The following ZNF385B variants were observed in gnomAD, a reference collection of about 807,000 sequenced individuals.
ZNF385B encodes the protein zinc finger protein 385B.
In ZNF385B, 23 loss-of-function variants were observed where a neutral mutation model predicts 39.2. The observed-to-expected ratio is 0.59, with a 90% confidence interval of 0.42 to 0.83. The LOEUF is 0.83. Among genes scored for constraint, ZNF385B ranks in the 40% least tolerant of loss-of-function variants. The pLI, the probability that ZNF385B is intolerant of heterozygous loss-of-function variation, is 0.00. For missense variants in ZNF385B, 552 were observed against 598.9 expected, an observed-to-expected ratio of 0.92 and a Z score of 0.82; for synonymous variants, 205 against 222.6, an observed-to-expected ratio of 0.92 and a Z score of 0.70.
At chr2:179,839,835 C>G (rs1216213851) in intron 1 of ZNF385B, among the ~76,000 whole-genome samples, 1 of 152,120 alleles carries the variant, frequency 6.6e-6, no homozygotes, top group African/African-American at 2.4e-5. Context: ...GGAGAGGCCA[C>G]CTTGAGAGAA....
chr2:179,799,876 T>C (rs1281552273), intron 1 of ZNF385B, among the ~76,000 whole-genome samples: 1 of 152,110 alleles, frequency 6.6e-6, no homozygotes, highest in Non-Finnish European at 1.5e-5. Context: ...AGCTTTGCAA[T>C]CATCCAAGCG....
At chr2:179,632,523 A>G (rs1691328257) in intron 3 of ZNF385B, among the ~76,000 whole-genome samples, 1 of 152,212 alleles carries the variant, frequency 6.6e-6, no homozygotes, top group Non-Finnish European at 1.5e-5. Context: ...GACACAACAT[A>G]CCAGAATCTC....
intron 4 of ZNF385B, among the ~76,000 whole-genome samples, chr2:179,527,247 A>C (rs1161850555): frequency 6.6e-6 from 1 of 152,232 alleles, no homozygotes; most frequent in Non-Finnish European, 1.5e-5. Context: ...GATAGAAAAC[A>C]CAAGGGAGTC....
At chr2:179,696,728 C>T (rs1698793063) in intron 3 of ZNF385B, among the ~76,000 whole-genome samples, 1 of 152,032 alleles carries the variant, frequency 6.6e-6, no homozygotes, top group Non-Finnish European at 1.5e-5. Context: ...TTTAAAAAAA[C>T]TATAGAAGGA....
At chr2:179,472,680 T>A (rs888254303) in intron 6 of ZNF385B, among the ~76,000 whole-genome samples, 21 of 152,224 alleles carry the variant, frequency 1.4e-4, no homozygotes, top group African/African-American at 4.6e-4. Flanking sequence ...ATATACGGGC[T>A]GACAAGTTTC....
chr2:179,792,370 C>CTTTTTTTTTTTTTTTTTTTTTT lies in ZNF385B; in HGVS notation c.-154-21699_-154-21698insAAAAAAAAAAAAAAAAAAAAAA, dbSNP rs1346808450. Reference sequence around the variant, plus strand: ...CTGAAGAAGTAGGCCATTTCATTTTCTTTTCTTTTTTTTTTTTTTTTGAGA... The same window carrying CTTTTTTTTTTTTTTTTTTTTTT: ...CTGAAGAAGTAGGCCATTTCATTTTCTTTTTTTTTTTTTTTTTTTTTTTTTTCTTTTTTTTTTTTTTTTGAGA... On this transcript the variant is annotated intron_variant, in intron 1 of 9. Coordinates refer to ENST00000410066, the MANE Select transcript of ZNF385B (RefSeq NM_152520.6). Among the ~76,000 whole-genome samples the CTTTTTTTTTTTTTTTTTTTTTT allele has an allele frequency of 2.5e-4, 18 of 70,722 alleles. 2 individuals carry two copies. Among genetic ancestry groups the CTTTTTTTTTTTTTTTTTTTTTT allele is most frequent in the Non-Finnish European group, 3.3e-4 (12 of 36,760 alleles). 46.4% of individuals were successfully genotyped at this position (70,722 alleles called of 152,430 possible).
chr2:179,805,365 G>A (rs1706286219), intron 1 of ZNF385B, among the ~76,000 whole-genome samples: 1 of 152,142 alleles, frequency 6.6e-6, no homozygotes, highest in African/African-American at 2.4e-5. Flanking sequence ...CCATAGATGT[G>A]TAAGGCATAA....
chr2:179,661,527 G>C (rs1694473175), intron 3 of ZNF385B, among the ~76,000 whole-genome samples: 1 of 151,958 alleles, frequency 6.6e-6, no homozygotes, highest in Non-Finnish European at 1.5e-5. Context: ...TATTGATTCT[G>C]TATCTCTGGA....
chr2:179,543,500 CAT>C (rs1553603842), intron 4 of ZNF385B, among the ~76,000 whole-genome samples: 1 of 152,136 alleles, frequency 6.6e-6, no homozygotes, highest in Non-Finnish European at 1.5e-5. Flanking sequence ...ATGTGTCACA[CAT>C]GTTTGAATAG....
chr2:179,574,874 T>C (rs1685634585), intron 3 of ZNF385B, among the ~76,000 whole-genome samples: 2 of 152,134 alleles, frequency 1.3e-5, no homozygotes, highest in South Asian at 4.1e-4. Context: ...TCCTTCCTTC[T>C]TGAACTTCTT....
chr2:179,685,583 T>C (rs1379769627), intron 3 of ZNF385B, among the ~76,000 whole-genome samples: 1 of 152,188 alleles, frequency 6.6e-6, no homozygotes, highest in Non-Finnish European at 1.5e-5. Flanking sequence ...GGACTATAGA[T>C]GGAGTATAGT....
At chr2:179,603,401 GGT>G (rs1275099198) in intron 3 of ZNF385B, among the ~76,000 whole-genome samples, 1 of 152,110 alleles carries the variant, frequency 6.6e-6, no homozygotes, top group Non-Finnish European at 1.5e-5. Flanking sequence ...AGTAGGGTCT[GGT>G]TCAGTATATA....
chr2:179,772,736 A>AT, intron 1 of ZNF385B, among the ~76,000 whole-genome samples: 1 of 152,280 alleles, frequency 6.6e-6, no homozygotes, highest in African/African-American at 2.4e-5. Flanking sequence ...TCTATTTTAA[A>AT]TTTTTTCATC....
chr2:179,466,644 G>T (rs577083198), intron 6 of ZNF385B, among the ~76,000 whole-genome samples: 1 of 152,078 alleles, frequency 6.6e-6, no homozygotes, highest in South Asian at 2.1e-4. Context: ...AATCCCACCA[G>T]GTGTGGTGGC....
At chr2:179,836,236 T>C (rs1708238820) in intron 1 of ZNF385B, among the ~76,000 whole-genome samples, 1 of 152,224 alleles carries the variant, frequency 6.6e-6, no homozygotes, top group African/African-American at 2.4e-5. Flanking sequence ...TCATTTGTTG[T>C]CTGTCCTCTG....
In ZNF385B at chr2:179,836,513, CTTT is replaced by C. The variant is rs755278598; in HGVS notation, c.-155+24585_-155+24587del. On this transcript the variant is annotated intron_variant, in intron 1 of 9. Transcript: ENST00000410066. ...ATCTGAATCAAGGTTCTTGCGTTTT[CTTT>C]TTTTTTTTTTTTTGAGACGGAGTCT... 6.4e-3 allele frequency among the ~76,000 whole-genome samples: 795 copies of C among 124,168 alleles called. 8 individuals are homozygous for C. Among genetic ancestry groups the C allele is most frequent in the Non-Finnish European group, 9.6e-3 (595 of 61,742 alleles). The allele number at this position is 124,168 out of a possible 152,430, so 81.5% of individuals were successfully genotyped here.
intron 1 of ZNF385B, among the ~76,000 whole-genome samples, chr2:179,808,885 T>A (rs17775134): frequency 0.28 from 42,579 of 152,132 alleles, 6,868 homozygotes; most frequent in South Asian, 0.4. Flanking sequence ...AACATGTTTA[T>A]GAAAATATCA....
intron 5 of ZNF385B, among the ~76,000 whole-genome samples, chr2:179,500,046 C>T (rs556018735): frequency 5.3e-4 from 81 of 151,778 alleles, no homozygotes; most frequent in Non-Finnish European, 8.0e-4. Flanking sequence ...ACAATAGCCA[C>T]ACATAAAATT....
At chr2:179,492,319 A>G (rs2055323744) in intron 5 of ZNF385B, among the ~76,000 whole-genome samples, 2 of 152,160 alleles carry the variant, frequency 1.3e-5, no homozygotes, top group Non-Finnish European at 2.9e-5. Flanking sequence ...ACTCAATGAT[A>G]AGTAATGCAA....
Sources: allele counts gnomAD v4.1 joint callset (sites outside exome capture counted in the v4.1 genomes callset), GRCh38; gene constraint gnomAD v4.1.1; transcripts MANE v1.5; gene names NCBI Gene and HGNC (gene_info 2026-07-23, HGNC 2026-07-21).